STARD9: variants seen among roughly 807,000 people sequenced by gnomAD.
STARD9 encodes stAR-related lipid transfer protein 9.
Under a neutral mutation model 399.8 loss-of-function variants are expected in STARD9, and 346 were observed. That is an observed-to-expected ratio of 0.87 (90% confidence interval 0.79 to 0.95). STARD9 has a LOEUF of 0.95. Among genes scored for constraint, STARD9 ranks in the 40% least tolerant of loss-of-function variants. STARD9 has a pLI of 0.00. For synonymous variants in STARD9, 2,203 were observed against 2,143.5 expected, an observed-to-expected ratio of 1.03 and a Z score of -0.77; for missense variants, 5,832 against 5,667.5, an observed-to-expected ratio of 1.03 and a Z score of -0.93.
chr15:42,708,695 A>T (rs1265857249), intron 26 of STARD9, among the ~76,000 whole-genome samples: 2 of 150,404 alleles, frequency 1.3e-5, no homozygotes, highest in African/African-American at 2.5e-5. Flanking sequence ...TTTTTCATGT[A>T]AGACAGGTAA....
rs537887674 is a variant in STARD9, at chr15:42,682,345, A to G, written c.2307A>G (p.Ser769=). The stretch of plus-strand genomic sequence containing the variant: ...GGAATGTCCGGCGGAAAAAGGTCTC[A>G]TTCCAGCTAGAGAGAATCATCAAAA... ...AERNVRRKKV[S]FQLERIIKKQ... The change falls in exon 22 of 33, where the codon TCA becomes TCG. Residue 769 remains serine, a synonymous_variant. Coordinates refer to ENST00000290607, the MANE Select transcript of STARD9 (RefSeq NM_020759.3). The G allele has an allele frequency of 6.5e-6, 10 of 1,537,272 alleles. No individual in the cohort carries two copies. The East Asian group carries it at 2.0e-4, about 30-fold the overall frequency.
chr15:42,702,279 C>CT (rs1342342432), intron 26 of STARD9, among the ~76,000 whole-genome samples: 2 of 152,234 alleles, frequency 1.3e-5, no homozygotes, highest in East Asian at 3.9e-4. Context: ...TCTCAGTTCA[C>CT]TGCAACCTCT....
At position 42,692,222 on chromosome 15, in the gene STARD9, C is replaced by G. The variant is rs1415375745; in HGVS notation, c.10644C>G (p.Ala3548=). 3.3e-6 allele frequency: 5 copies of G among 1,536,948 alleles called. No homozygotes were observed. Among genetic ancestry groups the G allele is most frequent in the Non-Finnish European group, 4.4e-6 (5 of 1,146,892 alleles). Residue 3548 remains alanine, a synonymous_variant, in exon 23 of 33, where the codon GCC becomes GCG. Coordinates refer to ENST00000290607, the MANE Select transcript of STARD9 (RefSeq NM_020759.3). ...LSTTHSSTEN[A]QGSNEAWEVF... ...CCACACACAGCAGCACTGAGAATGC[C>G]CAGGGTTCAAATGAGGCCTGGGAAG...
At chr15:42,676,940 T>C (rs2060322400) in intron 20 of STARD9, among the ~76,000 whole-genome samples, 1 of 151,786 alleles carries the variant, frequency 6.6e-6, no homozygotes, top group Admixed American at 6.6e-5. Context: ...GTGAGGAATG[T>C]TGGATACAGG....
At chr15:42,713,179 T>G (rs1163805039) in intron 26 of STARD9, among the ~76,000 whole-genome samples, 3 of 152,264 alleles carry the variant, frequency 2.0e-5, no homozygotes, top group Non-Finnish European at 4.4e-5. Context: ...TTCGTAAGTA[T>G]TTTATTCCTG....
At chr15:42,694,788 A>G (rs903269969) in intron 24 of STARD9, 63 bp downstream of exon 24, 1 of 1,251,176 alleles carries the variant, frequency 8.0e-7, no homozygotes, top group Non-Finnish European at 1.1e-6. Context: ...TATGGGGAGC[A>G]GGAGCTGAAG....
In STARD9 at chr15:42,691,800, C is replaced by A. The variant is rs1398374907; in HGVS notation, c.10222C>A (p.Pro3408Thr). 1 of 1,537,280 alleles carries A rather than the reference C, an allele frequency of 6.5e-7. No homozygotes were observed. Among genetic ancestry groups the A allele is most frequent in the Admixed American group, 2.0e-5 (1 of 51,006 alleles). The part of the protein sequence containing the change: ...RHLKPATPPY[P>T]MPSTLSHMPT... ...CCTGAAGCCTGCCACCCCTCCTTAT[C>A]CAATGCCTTCCACTCTCTCACACAT... The change falls in exon 23 of 33, where the codon CCA becomes ACA. Residue 3408 changes from proline (P) to threonine (T), a missense_variant. Pro to Thr is a conservative substitution (Grantham distance 38). Around this residue, in one of 2 missense-constraint regions of STARD9, gnomAD observed 5,828 missense variants for 5,651.1 expected, o/e 1.03. Transcript: ENST00000290607.
At chr15:42,682,598 G>A (rs1227458858) in intron 22 of STARD9, 23 bp downstream of exon 22, 2 of 1,497,250 alleles carry the variant, frequency 1.3e-6, no homozygotes, top group Non-Finnish European at 1.8e-6. Flanking sequence ...GTTGTCACTG[G>A]GAAGCACTCG....
chr15:42,647,713 G>T (rs939818325), intron 7 of STARD9, among the ~76,000 whole-genome samples: 1 of 151,812 alleles, frequency 6.6e-6, no homozygotes, highest in Non-Finnish European at 1.5e-5. Context: ...TTGGTATTGT[G>T]GTCTGCTTGT....
Position 42,692,745 on chromosome 15 carries a change from A to T in STARD9, c.11167A>T (p.Met3723Leu), listed in dbSNP as rs1390521532. 1 of 1,537,112 alleles carries T rather than the reference A, an allele frequency of 6.5e-7. No homozygotes were observed. Among genetic ancestry groups the T allele is most frequent in the African/African-American group, 1.4e-5 (1 of 73,112 alleles). Residue 3723 changes from methionine (M) to leucine (L), a missense_variant, in exon 23 of 33, where the codon ATG becomes TTG. Transcript: ENST00000290607. The part of the protein sequence containing the change: ...DIPDKAPQAL[M>L]MDGSTQTTVD... ...CCCAGATAAAGCCCCACAGGCCCTG[A>T]TGATGGATGGCTCTACTCAGACCAC...
intron 4 of STARD9, among the ~76,000 whole-genome samples, chr15:42,636,582 A>G (rs1294866423): frequency 6.6e-6 from 1 of 152,012 alleles, no homozygotes; most frequent in Non-Finnish European, 1.5e-5. Flanking sequence ...CTTTGTCTCA[A>G]AAAAATAAAT....
At chr15:42,585,412 C>T (rs2058254857) in intron 2 of STARD9, 109 bp from the exon 3 acceptor site, 3 of 628,320 alleles carry the variant, frequency 4.8e-6, no homozygotes, top group Non-Finnish European at 8.3e-6. Context: ...TATAAACAGT[C>T]TCATGACCAG....
chr15:42,661,052 A>C, intron 9 of STARD9, 106 bp from the exon 10 acceptor site: 1 of 756,864 alleles, frequency 1.3e-6, no homozygotes, highest in Non-Finnish European at 2.2e-6. Context: ...AGATTTGTTG[A>C]GTGAATTGGA....
chr15:42,650,933 G>C, intron 7 of STARD9, 83 bp from the exon 8 acceptor site: 1 of 907,546 alleles, frequency 1.1e-6, no homozygotes, highest in Non-Finnish European at 1.6e-6. Flanking sequence ...TATGAAATAG[G>C]AATGATAAAG....
intron 3 of STARD9, among the ~76,000 whole-genome samples, chr15:42,630,955 G>C (rs955682948): frequency 6.9e-6 from 1 of 144,530 alleles, no homozygotes; most frequent in East Asian, 2.0e-4. Context: ...CTCATTTTGT[G>C]TTTGATTCGC....
intron 3 of STARD9, among the ~76,000 whole-genome samples, chr15:42,616,851 A>G (rs1278466710): frequency 6.7e-6 from 1 of 149,848 alleles, no homozygotes; most frequent in East Asian, 1.9e-4. Flanking sequence ...AGATCGCGTC[A>G]CTGCACTCCA....
intron 3 of STARD9, among the ~76,000 whole-genome samples, chr15:42,605,887 A>T (rs754491580): frequency 1.1e-3 from 170 of 152,298 alleles, no homozygotes; most frequent in Non-Finnish European, 1.9e-3. Flanking sequence ...GCGATGTTTA[A>T]AGCACAAACA....
At chr15:42,680,457 G>C (rs1299784360) in intron 20 of STARD9, among the ~76,000 whole-genome samples, 1 of 151,998 alleles carries the variant, frequency 6.6e-6, no homozygotes, top group African/African-American at 2.4e-5. Context: ...AAAATTAGCT[G>C]GGCGTGGTGG....
chr15:42,675,624 T>G, intron 18 of STARD9, 40 bp from the exon 19 acceptor site: 15 of 1,454,440 alleles, frequency 1.0e-5, no homozygotes, highest in South Asian at 3.6e-5. Context: ...CTCCAAAACA[T>G]GAGCTGTTGA....
Sources: allele counts gnomAD v4.1 joint callset (sites outside exome capture counted in the v4.1 genomes callset), GRCh38; gene constraint gnomAD v4.1.1; regional missense constraint gnomAD v4.1.1; transcripts MANE v1.5; gene names NCBI Gene and HGNC (gene_info 2026-07-23, HGNC 2026-07-21).